The following SIPA1L2 variants were observed in gnomAD, a reference collection of about 807,000 sequenced individuals.
The protein encoded by SIPA1L2 is signal induced proliferation associated 1 like 2.
Under a neutral mutation model 163.9 loss-of-function variants are expected in SIPA1L2, and 56 were observed. The observed-to-expected ratio is 0.34, with a 90% CI of 0.28 to 0.43. The LOEUF is 0.43. Ranked by LOEUF, SIPA1L2 falls within the 20% of genes least tolerant of loss-of-function variation. SIPA1L2 has a pLI of 1.00. For synonymous variants in SIPA1L2, 877 were observed against 865.7 expected (o/e 1.01, Z -0.23); for missense variants, 1,974 against 2,193.5 (o/e 0.90, Z 2.00).
In SIPA1L2 at chr1:232,508,012, T is replaced by C. The variant is rs867403177; in HGVS notation, c.1483+5845A>G. On this transcript the variant is annotated intron_variant, in intron 3 of 22. Transcript: ENST00000674635. ...TATTTCTTGCTTTTCTACATTTTCT[T>C]ATTTTCCCATAACCATCATATGACA... 1.2e-4 allele frequency among the ~76,000 whole-genome samples: 18 copies of C among 152,312 alleles called. No homozygotes were observed. In the Middle Eastern group the frequency reaches 0.017, roughly 144 times the overall value.
At chr1:232,402,263 T>C (rs571350434) in intron 22 of SIPA1L2, 129 bp downstream of exon 22, 38 of 661,198 alleles carry the variant, frequency 5.7e-5, no homozygotes, top group Non-Finnish European at 8.4e-5. Context: ...GGAGCATCTG[T>C]TGGTATTTAT....
At chr1:232,551,236 G>C (rs563966566) in intron 2 of SIPA1L2, among the ~76,000 whole-genome samples, 1 of 152,100 alleles carries the variant, frequency 6.6e-6, no homozygotes, top group Non-Finnish European at 1.5e-5. Flanking sequence ...ACAAAACACT[G>C]GTGTAGTCCC....
chr1:232,509,844 AGTTCACAGCTGCGCTG>A (rs1666898580), intron 3 of SIPA1L2, among the ~76,000 whole-genome samples: 1 of 152,250 alleles, frequency 6.6e-6, no homozygotes, highest in Non-Finnish European at 1.5e-5. Flanking sequence ...GGCAGGACAC[AGTTCACAGCTGCGCTG>A]GAGAGAGAAC....
In SIPA1L2 at chr1:232,439,371, GGTC is replaced by G; in HGVS notation, c.3765_3767del (p.Thr1256del). The G allele has an allele frequency of 6.2e-7, 1 of 1,614,180 alleles. No homozygotes were observed. Among genetic ancestry groups the G allele is most frequent in the Non-Finnish European group, 8.5e-7 (1 of 1,180,034 alleles). On this transcript the variant is annotated inframe_deletion, in exon 15 of 23. Transcript: ENST00000674635. ...TGTCGGTGGAGGCCCCTTTGATGTA[GGTC>G]AGCCCCAGTAATTCGGGGTCCATCA... is the stretch of plus-strand genomic sequence containing the variant.
chr1:232,483,445 T>A (rs558764815), intron 6 of SIPA1L2, among the ~76,000 whole-genome samples: 4 of 152,120 alleles, frequency 2.6e-5, no homozygotes, highest in Admixed American at 2.6e-4. Context: ...TAGAAATAAA[T>A]GCAGTGCTTG....
chr1:232,472,818 T>G (rs1290342968), intron 7 of SIPA1L2, among the ~76,000 whole-genome samples: 1 of 152,200 alleles, frequency 6.6e-6, no homozygotes, highest in Non-Finnish European at 1.5e-5. Context: ...TAAACTCAGA[T>G]ACAAAAAGGA....
chr1:232,585,003 A>G (rs1204299032), intron 1 of SIPA1L2, among the ~76,000 whole-genome samples: 1 of 152,198 alleles, frequency 6.6e-6, no homozygotes, highest in East Asian at 1.9e-4. Flanking sequence ...ATTTCATTTA[A>G]GCCCCCATTA....
intron 3 of SIPA1L2, among the ~76,000 whole-genome samples, chr1:232,513,538 C>A (rs1286375069): frequency 6.6e-6 from 1 of 152,166 alleles, no homozygotes; most frequent in African/African-American, 2.4e-5. Context: ...GGGAAGACTT[C>A]TTACAAGGGA....
chr1:232,402,467 A>C lies in SIPA1L2; in HGVS notation c.4947T>G (p.Arg1649=), dbSNP rs1660401802. The C allele has an allele frequency of 6.2e-7, 1 of 1,613,028 alleles. No homozygotes were observed. The highest frequency in any genetic ancestry group is 8.5e-7 in the Non-Finnish European group (1 of 1,179,292). The change falls in exon 22 of 23, where the codon CGT becomes CGG. Residue 1649 remains arginine, a synonymous_variant. Transcript: ENST00000674635. ...GKEFMDTTGE[R]SPSPLTGKVN... is the part of the protein sequence containing the mutation. ...CTTTCCCGGTCAGTGGTGATGGAGA[A>C]CGCTCCCTAGCAAATAAGGATAGAA...
At chr1:232,517,938 T>C (rs1667286136) in intron 2 of SIPA1L2, among the ~76,000 whole-genome samples, 1 of 152,030 alleles carries the variant, frequency 6.6e-6, no homozygotes. Flanking sequence ...TATCGGCTAC[T>C]TGGGAGGCTG....
intron 2 of SIPA1L2, among the ~76,000 whole-genome samples, chr1:232,538,847 T>G (rs746406335): frequency 6.6e-6 from 1 of 152,222 alleles, no homozygotes; most frequent in Non-Finnish European, 1.5e-5. Flanking sequence ...GACTCACCAC[T>G]AATGACAAAG....
At chr1:232,594,841 G>GTC (rs1470363869) in intron 1 of SIPA1L2, among the ~76,000 whole-genome samples, 1 of 152,084 alleles carries the variant, frequency 6.6e-6, no homozygotes, top group Non-Finnish European at 1.5e-5. Flanking sequence ...AGCACCTCAG[G>GTC]TCTCAGGCAG....
chr1:232,609,596 CGAGCTGGGCA>C (rs893928977), intron 1 of SIPA1L2, among the ~76,000 whole-genome samples: 1 of 151,956 alleles, frequency 6.6e-6, no homozygotes, highest in Non-Finnish European at 1.5e-5. Context: ...TTTGGGAGGC[CGAGCTGGGCA>C]GATCACAGGG....
chr1:232,461,993 G>C (rs543388006), intron 9 of SIPA1L2, among the ~76,000 whole-genome samples: 1 of 152,130 alleles, frequency 6.6e-6, no homozygotes, highest in Non-Finnish European at 1.5e-5. Context: ...TGTGCTTATG[G>C]GCTGCCTCTC....
chr1:232,578,346 G>A (rs1043230698), intron 1 of SIPA1L2, among the ~76,000 whole-genome samples: 1 of 151,896 alleles, frequency 6.6e-6, no homozygotes, highest in African/African-American at 2.4e-5. Flanking sequence ...TCCGAAGTAT[G>A]CCTGTACTGA....
At chr1:232,576,996 A>G (rs1389779209) in intron 1 of SIPA1L2, among the ~76,000 whole-genome samples, 1 of 152,212 alleles carries the variant, frequency 6.6e-6, no homozygotes, top group Non-Finnish European at 1.5e-5. Context: ...CAAATGTTCT[A>G]TGTAAATCAA....
At chr1:232,420,592 T>G (rs1312378262) in intron 18 of SIPA1L2, among the ~76,000 whole-genome samples, 1 of 152,042 alleles carries the variant, frequency 6.6e-6, no homozygotes, top group East Asian at 1.9e-4. Flanking sequence ...TCCCAGCACT[T>G]TGGGAGGCCG....
chr1:232,587,306 A>G (rs1012274690), intron 1 of SIPA1L2, among the ~76,000 whole-genome samples: 1 of 152,106 alleles, frequency 6.6e-6, no homozygotes, highest in Admixed American at 6.5e-5. Context: ...TCCCTCCCAC[A>G]TGGCCCCACA....
chr1:232,416,598 A>T (rs1390070136), intron 18 of SIPA1L2, among the ~76,000 whole-genome samples: 2 of 152,230 alleles, frequency 1.3e-5, no homozygotes, highest in African/African-American at 2.4e-5. Flanking sequence ...AAGCTTACTG[A>T]GGAACACTTC....
Sources: gnomAD v4.1 joint callset for allele counts (sites outside exome capture counted in the v4.1 genomes callset) on GRCh38, gnomAD v4.1.1 for gene constraint, MANE v1.5 for transcripts, NCBI Gene and HGNC (gene_info 2026-07-23, HGNC 2026-07-21) for gene names.